Variants in CES5A observed in about 807,000 individuals in gnomAD.
CES5A encodes the protein carboxylesterase 5.
CES5A carries 67 observed loss-of-function variants against 62.9 expected under a neutral mutation model. The observed-to-expected ratio is 1.07, with a 90% confidence interval of 0.88 to 1.31. The LOEUF is 1.31. Ranked by LOEUF, CES5A falls within the 50% of genes most tolerant of loss-of-function variation. The pLI is 0.00. For synonymous variants in CES5A, 296 were observed against 280.8 expected, an observed-to-expected ratio of 1.05 and a Z score of -0.54; for missense variants, 748 against 708.5, an observed-to-expected ratio of 1.06 and a Z score of -0.63.
intron 2 of CES5A, chr16:55,871,975 G>C: frequency 1.9e-6 from 1 of 517,626 alleles, no homozygotes; most frequent in Non-Finnish European, 3.5e-6. Context: ...CTGGTTCCTG[G>C]GTAGGAAAGC....
intron 1 of CES5A, among the ~76,000 whole-genome samples, chr16:55,882,311 T>C (rs2033770499): frequency 6.6e-6 from 1 of 152,166 alleles, no homozygotes; most frequent in Admixed American, 6.5e-5. Flanking sequence ...GTGTCCATGG[T>C]CCAGCATTTT....
intron 8 of CES5A, among the ~76,000 whole-genome samples, chr16:55,858,646 A>C (rs1335609178): frequency 1.3e-5 from 2 of 152,256 alleles, no homozygotes; most frequent in Admixed American, 6.5e-5. Flanking sequence ...TAGACAGCCA[A>C]CAACTAGCTT....
At chr16:55,907,938 T>C (rs1040170348) in intron 1 of CES5A, among the ~76,000 whole-genome samples, 1 of 152,196 alleles carries the variant, frequency 6.6e-6, no homozygotes, top group Non-Finnish European at 1.5e-5. Context: ...TCCCTCTTTC[T>C]GTCCCACTCA....
intron 1 of CES5A, among the ~76,000 whole-genome samples, chr16:55,887,982 T>A (rs1290979767): frequency 6.6e-6 from 1 of 152,144 alleles, no homozygotes; most frequent in African/African-American, 2.4e-5. Context: ...TAACTTGCAA[T>A]TTTTCTATCA....
chr16:55,907,289 T>G (rs1236288165), intron 1 of CES5A, among the ~76,000 whole-genome samples: 1 of 152,132 alleles, frequency 6.6e-6, no homozygotes, highest in Non-Finnish European at 1.5e-5. Flanking sequence ...CTCCTCAGCA[T>G]CAGCCATGTT....
chr16:55,938,803 C>CACAT lies in CES5A; in HGVS notation c.160+10981_160+10982insATGT, dbSNP rs1420576407. Among the ~76,000 whole-genome samples the CACAT allele has an allele frequency of 2.4e-3, 205 of 86,896 alleles. 1 individual carries two copies. The highest frequency in any genetic ancestry group is 0.01 in the African/African-American group (193 of 18,968). The allele number at this position is 86,896 out of a possible 152,430, so 57.0% of individuals were successfully genotyped here. On this transcript the variant is annotated intron_variant, in intron 2 of 13. Coordinates refer to the CES5A transcript ENST00000521992. ...ATATATATATATATATATATACACA[C>CACAT]ATATATATATATACACACACATATA...
At chr16:55,877,244 G>A (rs1312138726), upstream of CES5A, among the ~76,000 whole-genome samples, 1 of 152,108 alleles carries the variant, frequency 6.6e-6, no homozygotes, top group Non-Finnish European at 1.5e-5. Context: ...AAATATGAGA[G>A]GCTATGGATT....
chr16:55,900,869 C>G (rs1408803375), intron 1 of CES5A, among the ~76,000 whole-genome samples: 1 of 152,214 alleles, frequency 6.6e-6, no homozygotes, highest in African/African-American at 2.4e-5. Flanking sequence ...CGTTCAAACA[C>G]TTGTCTTTAA....
chr16:55,930,189 A>G (rs753125521), upstream of CES5A, among the ~76,000 whole-genome samples: 1 of 146,826 alleles, frequency 6.8e-6, no homozygotes, highest in Non-Finnish European at 1.5e-5. Context: ...CTCCTCCCCC[A>G]GCAACCTGTC....
chr16:55,881,109 T>G (rs996234795), intron 1 of CES5A, among the ~76,000 whole-genome samples: 19 of 152,190 alleles, frequency 1.2e-4, no homozygotes, highest in Non-Finnish European at 4.4e-5. Context: ...CTCTCCAGCC[T>G]GGCAGAAGGA....
chr16:55,928,591 A>T (rs76885493), upstream of CES5A, among the ~76,000 whole-genome samples: 2,623 of 152,326 alleles, frequency 0.017, 86 homozygotes, highest in African/African-American at 0.06. Context: ...AAGATACTCA[A>T]CCTTAATCTT....
At chr16:55,896,162 G>T (rs1398586451) in intron 1 of CES5A, among the ~76,000 whole-genome samples, 1 of 152,182 alleles carries the variant, frequency 6.6e-6, no homozygotes, top group East Asian at 1.9e-4. Flanking sequence ...TTACATGGTG[G>T]CAGGCAAGAG....
rs138304761 is a variant in CES5A, at chr16:55,853,082, G to A, written c.1126-54C>T. ...CCAGGTCAACCACAATGGCCAACAC[G>A]TTAAACACTCACCTGTGCAGGTATG... is the stretch of plus-strand genomic sequence containing the variant. On this transcript the variant is annotated intron_variant, in intron 9 of 12. Coordinates refer to ENST00000290567, the MANE Select transcript of CES5A (RefSeq NM_001143685.2). 8.8e-4 allele frequency: 1,385 copies of A among 1,569,846 alleles called. 20 individuals are homozygous for A. The East Asian group carries it at 0.02, about 23-fold the overall frequency.
intron 1 of CES5A, among the ~76,000 whole-genome samples, chr16:55,906,632 T>C (rs3848305): frequency 1.3e-5 from 2 of 152,072 alleles, no homozygotes; most frequent in African/African-American, 2.4e-5. Flanking sequence ...AACACCAGCA[T>C]TATGATGTGC....
At chr16:55,860,441 T>G (rs2033330055) in intron 7 of CES5A, among the ~76,000 whole-genome samples, 1 of 138,046 alleles carries the variant, frequency 7.2e-6, no homozygotes, top group Admixed American at 6.8e-5. Flanking sequence ...AATAAGAAAC[T>G]CTGGGGTTGG....
chr16:55,890,680 A>C (rs964419477), intron 1 of CES5A, among the ~76,000 whole-genome samples: 2 of 152,202 alleles, frequency 1.3e-5, no homozygotes, highest in Admixed American at 6.5e-5. Context: ...TATTACAACA[A>C]ACTGAGGCTT....
chr16:55,874,645 A>G (rs1359347654), intron 1 of CES5A, among the ~76,000 whole-genome samples: 1 of 152,226 alleles, frequency 6.6e-6, no homozygotes, highest in Non-Finnish European at 1.5e-5. Context: ...TCATGCAGAT[A>G]CTTCCTGAAA....
intron 1 of CES5A, among the ~76,000 whole-genome samples, chr16:55,905,392 A>G (rs1230632463): frequency 1.1e-4 from 16 of 145,364 alleles, no homozygotes; most frequent in Non-Finnish European, 2.3e-4. Context: ...TTTGAGATGG[A>G]GTCTCGCTCT....
chr16:55,948,082 A>G (rs575148336), intron 2 of CES5A, among the ~76,000 whole-genome samples: 220 of 152,258 alleles, frequency 1.4e-3, no homozygotes, highest in African/African-American at 5.0e-3. Flanking sequence ...GAAAAAGAAA[A>G]TGTAAAAGAA....
Sources: gnomAD v4.1 joint callset for allele counts (sites outside exome capture counted in the v4.1 genomes callset) on GRCh38, gnomAD v4.1.1 for gene constraint, MANE v1.5 for transcripts, NCBI Gene and HGNC (gene_info 2026-07-23, HGNC 2026-07-21) for gene names.